The following ACTA2 variants were observed in gnomAD, a reference collection of about 807,000 sequenced individuals.
ACTA2 encodes actin, aortic smooth muscle.
Under a neutral mutation model 39.5 loss-of-function variants are expected in ACTA2, and 12 were observed. That is an observed-to-expected ratio of 0.30 (90% CI 0.19 to 0.49). ACTA2 has a LOEUF of 0.49. ACTA2 is among the 20% of genes least tolerant of loss of function. ACTA2 has a pLI of 0.99. For synonymous variants in ACTA2, 158 were observed against 180.6 expected (o/e 0.88, Z 1.00); for missense variants, 236 against 498.8 (o/e 0.47, Z 5.02).
Position 88,941,774 on chromosome 10 carries a change from C to A in ACTA2, c.454+11G>T. ...GCTCCAACCAGCTTGCTGTCCCGCC[C>A]AGCCACCTACCAGTTGTGCGTCCAG... is the stretch of plus-strand genomic sequence containing the variant. On this transcript the variant is annotated intron_variant, in intron 5 of 8. Coordinates refer to ENST00000224784, the MANE Select transcript of ACTA2 (RefSeq NM_001613.4). The A allele has an allele frequency of 6.2e-7, 1 of 1,609,030 alleles. No homozygotes were observed. Among genetic ancestry groups the A allele is most frequent in the Non-Finnish European group, 8.5e-7 (1 of 1,177,408 alleles).
At chr10:88,945,428 T>C (rs1845927958) in intron 3 of ACTA2, among the ~76,000 whole-genome samples, 1 of 152,234 alleles carries the variant, frequency 6.6e-6, no homozygotes, top group Non-Finnish European at 1.5e-5. Context: ...GTAGTAGTAG[T>C]AGTGAGCCGA....
At chr10:88,958,890 T>C (rs560034692) in intron 1 of ACTA2, among the ~76,000 whole-genome samples, 1 of 152,216 alleles carries the variant, frequency 6.6e-6, no homozygotes, top group Non-Finnish European at 1.5e-5. Flanking sequence ...TTCAGTGCCT[T>C]AAAAGTCCCA....
chr10:88,968,131 T>C (rs568422625), intron 1 of ACTA2, among the ~76,000 whole-genome samples: 1 of 152,320 alleles, frequency 6.6e-6, no homozygotes, highest in East Asian at 1.9e-4. Flanking sequence ...TTTGCAGTTA[T>C]ATGTATTTAA....
chr10:88,948,693 C>T (rs914199325), intron 2 of ACTA2, 109 bp downstream of exon 2: 13 of 1,492,068 alleles, frequency 8.7e-6, no homozygotes, highest in Admixed American at 1.7e-5. Flanking sequence ...CTATTTGTAA[C>T]AAGGTTACAT....
chr10:88,953,810 T>C (rs1346883151), upstream of ACTA2, among the ~76,000 whole-genome samples: 1 of 152,206 alleles, frequency 6.6e-6, no homozygotes, highest in Non-Finnish European at 1.5e-5. Flanking sequence ...TTCCCTGCTC[T>C]TGCTTGCTCT....
intron 1 of ACTA2, chr10:88,973,120 A>T: frequency 6.7e-7 from 1 of 1,493,830 alleles, no homozygotes; most frequent in Non-Finnish European, 9.0e-7. Context: ...TTTCTATTTT[A>T]ATTTTTCCTG....
chr10:88,990,585 C>T lies in ACTA2; in HGVS notation c.-24+354G>A. 1.5e-6 allele frequency: 1 copy of T among 667,026 alleles called. No homozygotes were observed. The highest frequency in any genetic ancestry group is 2.9e-5 in the East Asian group (1 of 34,658). The allele number at this position is 667,026 out of a possible 1,614,324, so 41.3% of individuals were successfully genotyped here. ...TCAATGGAGCCCTCCCCAACCCGGG[C>T]GTTCCCCAGCGAGGCTTCCTTCCCA... On this transcript the variant is annotated intron_variant, in intron 1 of 4. Transcript: ENST00000415557. The surrounding 1 kb of genome is among the most constrained non-coding windows in gnomAD (Gnocchi z 4.9).
rs758171085 is a variant in ACTA2, at chr10:88,990,936, T to C, written c.-24+3A>G. On this transcript the variant is annotated splice_donor_region_variant and intron_variant, in intron 1 of 4. Coordinates refer to the ACTA2 transcript ENST00000415557. This position sits in a 1 kb window ranked among gnomAD's most constrained non-coding sequence, Gnocchi z 4.9. Reference sequence around the variant, plus strand: ...GCCCTCTCCTGCCCGGGTGGAGGCTTACCCCGTCTTAGTCCCGGGGATAGG... The same window carrying C: ...GCCCTCTCCTGCCCGGGTGGAGGCTCACCCCGTCTTAGTCCCGGGGATAGG... 3 of 1,613,938 alleles carry C rather than the reference T, an allele frequency of 1.9e-6. No individual in the cohort carries two copies. The highest frequency in any genetic ancestry group is 2.2e-5 in the South Asian group (2 of 91,086).
chr10:88,938,318 C>A, intron 7 of ACTA2, 76 bp from the exon 8 acceptor site: 3 of 1,505,226 alleles, frequency 2.0e-6, no homozygotes, highest in East Asian at 4.5e-5. Flanking sequence ...CAGACTTGAA[C>A]ATCTGGATGA....
intron 1 of ACTA2, among the ~76,000 whole-genome samples, chr10:88,977,087 A>G (rs1846581189): frequency 6.6e-6 from 1 of 152,218 alleles, no homozygotes; most frequent in Non-Finnish European, 1.5e-5. Context: ...AAAAAATTTA[A>G]GATAATTTTC....
intron 1 of ACTA2, among the ~76,000 whole-genome samples, chr10:88,982,670 C>G (rs967709145): frequency 6.6e-6 from 1 of 151,424 alleles, no homozygotes; most frequent in African/African-American, 2.4e-5. Context: ...GTTTTTTTTT[C>G]TTTTTCTTGA....
intron 8 of ACTA2, 136 bp downstream of exon 8, chr10:88,937,925 A>C: frequency 1.1e-6 from 1 of 915,778 alleles, no homozygotes; most frequent in East Asian, 2.6e-5. Flanking sequence ...GTAAAATATG[A>C]GATTTGTGTC....
intron 1 of ACTA2, among the ~76,000 whole-genome samples, chr10:88,968,459 A>C (rs1027707320): frequency 2.0e-5 from 3 of 152,206 alleles, no homozygotes; most frequent in Non-Finnish European, 2.9e-5. Flanking sequence ...ACTTTATCCC[A>C]AAACCAGCTG....
At chr10:88,968,192 T>C (rs1846355216) in intron 1 of ACTA2, among the ~76,000 whole-genome samples, 1 of 152,204 alleles carries the variant, frequency 6.6e-6, no homozygotes, top group African/African-American at 2.4e-5. Context: ...AACTGGTAAC[T>C]CAGAAATGTT....
chr10:88,954,656 A>C (rs1209297298), upstream of ACTA2, among the ~76,000 whole-genome samples: 1 of 152,142 alleles, frequency 6.6e-6, no homozygotes, highest in Non-Finnish European at 1.5e-5. Context: ...TTCTACCATT[A>C]GTGTACATCC....
chr10:88,990,419 C>G lies in ACTA2; in HGVS notation c.-24+520G>C, dbSNP rs1321398252. Reference sequence around the variant, plus strand: ...TTAGAAAGGGCAGGAGGCCGGCTCTCGAGGTCCTCACCTGAAGTGAGCATG... The same window carrying G: ...TTAGAAAGGGCAGGAGGCCGGCTCTGGAGGTCCTCACCTGAAGTGAGCATG... On this transcript the variant is annotated intron_variant, in intron 1 of 4. Transcript: ENST00000415557. The surrounding 1 kb of genome is among the most constrained non-coding windows in gnomAD (Gnocchi z 4.9). 6.6e-6 allele frequency: 3 copies of G among 458,012 alleles called. No individual in the cohort carries two copies. The highest frequency in any genetic ancestry group is 5.9e-5 in the African/African-American group (3 of 51,230). The allele number at this position is 458,012 out of a possible 1,614,324, so 28.4% of individuals were successfully genotyped here. A position where few individuals can be genotyped will look rare whatever the true frequency, so the allele number is the denominator to read the frequency against.
chr10:88,982,978 T>C (rs1034895669), intron 1 of ACTA2, among the ~76,000 whole-genome samples: 18 of 152,192 alleles, frequency 1.2e-4, no homozygotes, highest in Non-Finnish European at 2.1e-4. Flanking sequence ...CATGTGTCCT[T>C]TCCAGAACGT....
At chr10:88,972,754 A>C (rs997604618) in intron 1 of ACTA2, among the ~76,000 whole-genome samples, 4 of 152,216 alleles carry the variant, frequency 2.6e-5, no homozygotes, top group African/African-American at 9.6e-5. Context: ...TATAAGCCTC[A>C]TACAATGGTA....
rs117347262 is a variant in ACTA2, at chr10:88,981,125, G to A, written c.-24+9814C>T. 4.0e-3 allele frequency among the ~76,000 whole-genome samples: 615 copies of A among 152,282 alleles called. 4 individuals are homozygous for A. The highest frequency in any genetic ancestry group is 0.014 in the African/African-American group (583 of 41,578). ...GGCCCAGCAATATCCAAGAGAGAGC[G>A]GGGCCAGTCCACAGGGTGTTCAGTG... is the stretch of plus-strand genomic sequence containing the variant. On this transcript the variant is annotated intron_variant, in intron 1 of 4. Coordinates refer to the ACTA2 transcript ENST00000415557.
Sources: allele counts gnomAD v4.1 joint callset (sites outside exome capture counted in the v4.1 genomes callset), GRCh38; gene constraint gnomAD v4.1.1; non-coding constraint Gnocchi (gnomAD v3.1); transcripts MANE v1.5; gene names NCBI Gene and HGNC (gene_info 2026-07-23, HGNC 2026-07-21).